The following STAG1 variants were observed in gnomAD, a reference collection of about 807,000 sequenced individuals.
STAG1 encodes the protein cohesin subunit SA-1.
STAG1 carries 26 observed loss-of-function variants against 170.9 expected under a neutral mutation model. The observed-to-expected ratio is 0.15, with a 90% CI of 0.11 to 0.21. The LOEUF is 0.21. STAG1 is among the 10% of genes least tolerant of loss of function. The pLI, the probability that STAG1 is intolerant of heterozygous loss-of-function variation, is 1.00. For missense variants in STAG1, 964 were observed against 1,509.5 expected, an observed-to-expected ratio of 0.64 and a Z score of 5.99; for synonymous variants, 514 against 497.7, an observed-to-expected ratio of 1.03 and a Z score of -0.44.
intron 6 of STAG1, among the ~76,000 whole-genome samples, chr3:136,532,466 T>C (rs1044588674): frequency 2.0e-5 from 3 of 152,162 alleles, no homozygotes; most frequent in Non-Finnish European, 2.9e-5. Context: ...ATTTCTTCTA[T>C]CTTTGGTAGA....
intron 22 of STAG1, 40 bp from the exon 23 acceptor site, chr3:136,377,792 A>G: frequency 7.8e-6 from 12 of 1,542,634 alleles, no homozygotes; most frequent in Non-Finnish European, 9.9e-6. Context: ...GAATTACAGG[A>G]TCACAGAAAA....
intron 11 of STAG1, 116 bp from the exon 12 acceptor site, chr3:136,472,608 G>A: frequency 1.6e-6 from 1 of 644,042 alleles, no homozygotes; most frequent in Non-Finnish European, 2.6e-6. Context: ...TAAATAAAAA[G>A]CTTTACTCTT....
chr3:136,688,926 C>T (rs1177119834), intron 1 of STAG1, among the ~76,000 whole-genome samples: 2 of 152,198 alleles, frequency 1.3e-5, no homozygotes, highest in Admixed American at 6.5e-5. Flanking sequence ...ATTTTGCCAA[C>T]TGGGTTTTTA....
intron 27 of STAG1, among the ~76,000 whole-genome samples, chr3:136,358,792 T>C (rs1936752242): frequency 6.6e-6 from 1 of 152,086 alleles, no homozygotes; most frequent in Admixed American, 6.6e-5. Flanking sequence ...CAGGCTAGTC[T>C]CGAACTCCTG....
intron 22 of STAG1, among the ~76,000 whole-genome samples, chr3:136,380,828 T>C (rs893900929): frequency 6.6e-6 from 1 of 151,654 alleles, no homozygotes; most frequent in African/African-American, 2.4e-5. Context: ...AAGACCAGCC[T>C]GGGCAACATG....
intron 1 of STAG1, among the ~76,000 whole-genome samples, chr3:136,687,318 C>T (rs1222716370): frequency 6.6e-6 from 1 of 152,114 alleles, no homozygotes; most frequent in Non-Finnish European, 1.5e-5. Context: ...TATTATTAAA[C>T]TACTATATTG....
intron 26 of STAG1, 24 bp downstream of exon 26, chr3:136,363,342 T>TC (rs1386213550): frequency 8.2e-7 from 1 of 1,214,456 alleles, no homozygotes; most frequent in South Asian, 1.2e-5. Flanking sequence ...CCATTCTTTG[T>TC]CTCCCTCTCT....
intron 8 of STAG1, among the ~76,000 whole-genome samples, chr3:136,501,791 T>C (rs1933491915): frequency 6.6e-6 from 1 of 152,192 alleles, no homozygotes; most frequent in Non-Finnish European, 1.5e-5. Flanking sequence ...ATTCCTTTGC[T>C]GTAATGTGAT....
chr3:136,747,333 T>A (rs935081999), intron 1 of STAG1, among the ~76,000 whole-genome samples: 1 of 151,084 alleles, frequency 6.6e-6, no homozygotes, highest in Non-Finnish European at 1.5e-5. Flanking sequence ...CCACAGCAAC[T>A]GTCTGACGCA....
chr3:136,355,592 C>T (rs1936622073), intron 28 of STAG1, among the ~76,000 whole-genome samples: 1 of 152,084 alleles, frequency 6.6e-6, no homozygotes, highest in South Asian at 2.1e-4. Context: ...GAACACACAT[C>T]TACAGAACAA....
chr3:136,372,544 A>T (rs563786226), intron 23 of STAG1, among the ~76,000 whole-genome samples: 2 of 152,278 alleles, frequency 1.3e-5, no homozygotes, highest in African/African-American at 2.4e-5. Flanking sequence ...ATTTATTGAG[A>T]GTTTTTAGTA....
intron 5 of STAG1, among the ~76,000 whole-genome samples, chr3:136,546,041 C>T (rs928730874): frequency 6.6e-6 from 1 of 152,132 alleles, no homozygotes; most frequent in Non-Finnish European, 1.5e-5. Context: ...AGAAACTTTA[C>T]CAAATACTAG....
chr3:136,427,188 T>C (rs6789488), intron 16 of STAG1, among the ~76,000 whole-genome samples: 115,384 of 150,916 alleles, frequency 0.76, 44,128 homozygotes, highest in East Asian at 0.87. Flanking sequence ...GAGATCACAC[T>C]ACTGCACTCC....
intron 6 of STAG1, among the ~76,000 whole-genome samples, chr3:136,527,795 C>T (rs918492451): frequency 5.3e-5 from 8 of 152,066 alleles, no homozygotes; most frequent in African/African-American, 1.9e-4. Flanking sequence ...GTTAGTTTTC[C>T]TTCTTACAGT....
At chr3:136,564,551 T>A (rs911875730) in intron 5 of STAG1, among the ~76,000 whole-genome samples, 12 of 152,240 alleles carry the variant, frequency 7.9e-5, no homozygotes, top group Non-Finnish European at 1.8e-4. Context: ...TCATAGGTAC[T>A]TAGGTCTATG....
chr3:136,503,611 G>A (rs1375011386), intron 7 of STAG1, among the ~76,000 whole-genome samples: 1 of 152,042 alleles, frequency 6.6e-6, no homozygotes, highest in African/African-American at 2.4e-5. Flanking sequence ...TTATTCATGT[G>A]CAAGTATGAA....
intron 1 of STAG1, among the ~76,000 whole-genome samples, chr3:136,710,394 C>A (rs1190388135): frequency 6.6e-6 from 1 of 152,106 alleles, no homozygotes; most frequent in Admixed American, 6.6e-5. Flanking sequence ...TGATCCTTTT[C>A]TTCCTCTCTA....
intron 15 of STAG1, among the ~76,000 whole-genome samples, chr3:136,438,862 C>T (rs748844492): frequency 6.6e-6 from 1 of 152,012 alleles, no homozygotes; most frequent in Non-Finnish European, 1.5e-5. Flanking sequence ...AACTGGATTA[C>T]AGAATGTTAG....
At chr3:136,647,006 C>T (rs1052651702) in intron 1 of STAG1, among the ~76,000 whole-genome samples, 2 of 152,120 alleles carry the variant, frequency 1.3e-5, no homozygotes, top group Non-Finnish European at 2.9e-5. Context: ...TGAGATGATA[C>T]ACATGCTAAT....
Sources: allele counts gnomAD v4.1 joint callset (sites outside exome capture counted in the v4.1 genomes callset), GRCh38; gene constraint gnomAD v4.1.1; transcripts MANE v1.5; gene names NCBI Gene and HGNC (gene_info 2026-07-23, HGNC 2026-07-21).